RAPGEF5: variants seen among roughly 807,000 people sequenced by gnomAD.
RAPGEF5 encodes M-Ras-regulated GEF.
A neutral mutation model predicts 125.2 loss-of-function variants in RAPGEF5; 65 were observed. That is an observed-to-expected ratio of 0.52 (90% CI 0.43 to 0.64). The LOEUF (loss-of-function observed/expected upper bound fraction) is 0.64. RAPGEF5 is among the 30% of genes least tolerant of loss of function. The pLI is 0.00. For synonymous variants in RAPGEF5, 391 were observed against 385.9 expected, an observed-to-expected ratio of 1.01 and a Z score of -0.16; for missense variants, 958 against 1,048.1, an observed-to-expected ratio of 0.91 and a Z score of 1.19.
chr7:22,268,698 G>A (rs961503471), intron 6 of RAPGEF5, among the ~76,000 whole-genome samples: 25 of 152,162 alleles, frequency 1.6e-4, no homozygotes, highest in African/African-American at 5.5e-4. Context: ...AATCATGCAC[G>A]AGGTGGATCA....
chr7:22,130,629 T>G (rs1221236495), intron 24 of RAPGEF5, among the ~76,000 whole-genome samples: 1 of 152,176 alleles, frequency 6.6e-6, no homozygotes, highest in Non-Finnish European at 1.5e-5. Flanking sequence ...TTTCCCTCTG[T>G]GCCTTGAAAG....
chr7:22,149,897 G>C lies in RAPGEF5; in HGVS notation c.1884+510C>G, dbSNP rs1007515304. On this transcript the variant is annotated intron_variant, in intron 18 of 25. Coordinates refer to ENST00000665637, the MANE Select transcript of RAPGEF5 (RefSeq NM_012294.5). ...CTTAGAAAGGGTTTCACTTAGGCAG[G>C]GTTTAGAATTCCTCAAGTTGGATTG... is the stretch of plus-strand genomic sequence containing the variant. Among the ~76,000 whole-genome samples the C allele has an allele frequency of 2.1e-4, 32 of 151,700 alleles. 1 individual carries two copies. Among genetic ancestry groups the C allele is most frequent in the Admixed American group, 3.3e-4 (5 of 15,204 alleles).
At chr7:22,189,769 A>G (rs7794194) in intron 11 of RAPGEF5, among the ~76,000 whole-genome samples, 2,205 of 152,352 alleles carry the variant, frequency 0.014, 51 homozygotes, top group African/African-American at 0.051. Flanking sequence ...ACAATGAAGA[A>G]CTATCAGACA....
intron 3 of RAPGEF5, among the ~76,000 whole-genome samples, chr7:22,315,051 A>G (rs982436810): frequency 3.9e-5 from 6 of 152,082 alleles, no homozygotes; most frequent in Non-Finnish European, 7.4e-5. Flanking sequence ...ATATTTATTA[A>G]AGACCCTAAT....
chr7:22,308,568 A>T, intron 4 of RAPGEF5, 61 bp from the exon 5 acceptor site: 4 of 1,259,194 alleles, frequency 3.2e-6, no homozygotes, highest in Non-Finnish European at 4.3e-6. Flanking sequence ...GAGAGTAATA[A>T]CTCAAATGAT....
At chr7:22,154,682 TG>T in intron 16 of RAPGEF5, 78 bp from the exon 17 acceptor site, 1 of 1,506,420 alleles carries the variant, frequency 6.6e-7, no homozygotes. Context: ...CAAGGCACCT[TG>T]ATCAACTTTT....
At chr7:22,133,288 G>A (rs891451449) in intron 23 of RAPGEF5, among the ~76,000 whole-genome samples, 1 of 152,134 alleles carries the variant, frequency 6.6e-6, no homozygotes, top group Non-Finnish European at 1.5e-5. Context: ...GCTGCAGTCC[G>A]GGAGAAAGGG....
intron 11 of RAPGEF5, among the ~76,000 whole-genome samples, chr7:22,177,426 C>T (rs893690495): frequency 6.6e-6 from 1 of 152,140 alleles, no homozygotes; most frequent in African/African-American, 2.4e-5. Flanking sequence ...TAGGGAGCCC[C>T]AAATTTGTTT....
chr7:22,355,574 C>T (rs1224396006), intron 1 of RAPGEF5, among the ~76,000 whole-genome samples: 1 of 152,166 alleles, frequency 6.6e-6, no homozygotes, highest in East Asian at 1.9e-4. Flanking sequence ...CACTTGTGGG[C>T]AATTCCTAAA....
At chr7:22,335,080 G>A (rs1368235782) in intron 1 of RAPGEF5, among the ~76,000 whole-genome samples, 1 of 152,222 alleles carries the variant, frequency 6.6e-6, no homozygotes, top group Admixed American at 6.5e-5. Context: ...CCAATAGCAA[G>A]TCAACTACCT....
intron 6 of RAPGEF5, among the ~76,000 whole-genome samples, chr7:22,269,819 A>G (rs1386974737): frequency 6.6e-6 from 1 of 152,218 alleles, no homozygotes; most frequent in Non-Finnish European, 1.5e-5. Context: ...GCTCTGGCTG[A>G]CATTCTGACC....
intron 1 of RAPGEF5, among the ~76,000 whole-genome samples, chr7:22,340,911 G>A (rs1485810956): frequency 6.6e-6 from 1 of 152,200 alleles, no homozygotes. Context: ...AGAAAGAAGA[G>A]AAAATGGAGC....
chr7:22,207,140 G>T (rs1267997457), intron 9 of RAPGEF5, among the ~76,000 whole-genome samples: 1 of 152,190 alleles, frequency 6.6e-6, no homozygotes, highest in Admixed American at 6.5e-5. Context: ...ACTCAAAATT[G>T]TAACACTCAA....
intron 3 of RAPGEF5, among the ~76,000 whole-genome samples, chr7:22,313,163 T>A (rs1239271423): frequency 6.6e-6 from 1 of 152,190 alleles, no homozygotes. Context: ...ATCTCCAGAG[T>A]TGAAAATTTG....
rs934389566 is a variant in RAPGEF5, at chr7:22,252,404, T to C, written c.796+14560A>G. Reference sequence around the variant, plus strand: ...CTTGACTGAAGTGCCCCAAGTATTTTTGAAAACCAAGACCTCAAAAACCTT... The same window carrying C: ...CTTGACTGAAGTGCCCCAAGTATTTCTGAAAACCAAGACCTCAAAAACCTT... On this transcript the variant is annotated intron_variant, in intron 7 of 25. Transcript: ENST00000665637. 6.1e-4 allele frequency among the ~76,000 whole-genome samples: 93 copies of C among 152,338 alleles called. 1 individual carries two copies. The highest frequency in any genetic ancestry group is 2.0e-3 in the African/African-American group (82 of 41,576).
chr7:22,339,994 G>A (rs1359998592), intron 1 of RAPGEF5, among the ~76,000 whole-genome samples: 1 of 152,188 alleles, frequency 6.6e-6, no homozygotes, highest in Non-Finnish European at 1.5e-5. Context: ...TGGGGAATGT[G>A]AGAACTTAAA....
intron 18 of RAPGEF5, among the ~76,000 whole-genome samples, chr7:22,150,155 T>C (rs542447445): frequency 6.3e-4 from 94 of 149,556 alleles, no homozygotes; most frequent in Middle Eastern, 3.5e-3. Flanking sequence ...TCACAACTCA[T>C]TGCAGCCTTG....
At chr7:22,162,363 T>C (rs1388625815) in intron 13 of RAPGEF5, 34 bp downstream of exon 13, 1 of 1,522,750 alleles carries the variant, frequency 6.6e-7, no homozygotes, top group Non-Finnish European at 9.1e-7. Flanking sequence ...ATCAGTTATT[T>C]GGCATCAAAG....
chr7:22,244,354 G>A (rs1409687181), intron 7 of RAPGEF5, among the ~76,000 whole-genome samples: 2 of 152,126 alleles, frequency 1.3e-5, no homozygotes, highest in Non-Finnish European at 2.9e-5. Flanking sequence ...TGGCCTGTTA[G>A]GAACCAGGCC....
Sources: gnomAD v4.1 joint callset for allele counts (sites outside exome capture counted in the v4.1 genomes callset) on GRCh38, gnomAD v4.1.1 for gene constraint, MANE v1.5 for transcripts, NCBI Gene and HGNC (gene_info 2026-07-23, HGNC 2026-07-21) for gene names.